The following ELMOD2 variants were observed in gnomAD, a reference collection of about 807,000 sequenced individuals.
ELMOD2 encodes ELMO domain containing 2.
Under a neutral mutation model 41.0 loss-of-function variants are expected in ELMOD2, and 28 were observed. That is an observed-to-expected ratio of 0.68 (90% CI 0.51 to 0.94). The LOEUF (loss-of-function observed/expected upper bound fraction) is 0.94, where lower values mean the gene tolerates loss of function less well. ELMOD2 is among the 40% of genes least tolerant of loss of function. ELMOD2 has a pLI of 0.00. For missense variants in ELMOD2, 333 were observed against 343.1 expected, an observed-to-expected ratio of 0.97 and a Z score of 0.23; for synonymous variants, 106 against 107.2, an observed-to-expected ratio of 0.99 and a Z score of 0.07.
rs1380101888 is a variant in ELMOD2, at chr4:140,551,957, T to G, written c.*1582T>G. On this transcript the variant is annotated 3_prime_UTR_variant, in exon 9 of 9. Transcript: ENST00000323570. ...TTCACTTTATTACAATAGTGGCAAT[T>G]TAGCTTTTCAGTATTACAGGAATTT... The G allele has an allele frequency of 6.6e-6, 1 of 152,104 alleles. No homozygotes were observed. 9.4% of individuals were successfully genotyped at this position (152,104 alleles called of 1,614,324 possible).
At chr4:140,537,573 TG>T in intron 5 of ELMOD2, 32 bp downstream of exon 5, 2 of 1,592,828 alleles carry the variant, frequency 1.3e-6, no homozygotes, top group Non-Finnish European at 1.7e-6. Flanking sequence ...GTGGAGTTGT[TG>T]AACGCTAGAA....
intron 3 of ELMOD2, among the ~76,000 whole-genome samples, chr4:140,530,516 A>G (rs970185526): frequency 6.6e-6 from 1 of 152,154 alleles, no homozygotes; most frequent in Admixed American, 6.5e-5. Context: ...AATGTTCATC[A>G]TTTTTTACCT....
chr4:140,541,856 A>G (rs1009985146), intron 6 of ELMOD2, among the ~76,000 whole-genome samples: 3 of 152,088 alleles, frequency 2.0e-5, no homozygotes, highest in African/African-American at 2.4e-5. Context: ...AGAAATTTCT[A>G]TGCTTTATGA....
chr4:140,542,114 G>A (rs1735122812), intron 6 of ELMOD2, among the ~76,000 whole-genome samples: 1 of 151,716 alleles, frequency 6.6e-6, no homozygotes, highest in Non-Finnish European at 1.5e-5. Flanking sequence ...TGATGAAGGA[G>A]GTTTCTCATT....
rs1485163789 is a variant in ELMOD2, at chr4:140,550,607, G to A, written c.*232G>A. ...AAAGATCCCCTCTGTAGAGTCATGC[G>A]AACTACAGTTTGGAACTTGGGACTT... On this transcript the variant is annotated 3_prime_UTR_variant, in exon 9 of 9. Transcript: ENST00000323570. 3 of 295,640 alleles carry A rather than the reference G, an allele frequency of 1.0e-5. No homozygotes were observed. Among genetic ancestry groups the A allele is most frequent in the Non-Finnish European group, 1.8e-5 (3 of 165,374 alleles). 18.3% of individuals were successfully genotyped at this position (295,640 alleles called of 1,614,324 possible). A position where few individuals can be genotyped will look rare whatever the true frequency, so the allele number is the denominator to read the frequency against.
rs759529814 is a variant in ELMOD2, at chr4:140,550,339, A to T, written c.846A>T (p.Leu282Phe). 3.1e-6 allele frequency: 5 copies of T among 1,610,768 alleles called. No homozygotes were observed. Among genetic ancestry groups the T allele is most frequent in the East Asian group, 4.5e-5 (2 of 44,684 alleles). ...EKFHEKIKGLLLDCNVALTLK... is the reference protein window; with the variant it reads ...EKFHEKIKGLFLDCNVALTLK... Reference sequence around the variant, plus strand: ...TTCATGAAAAGATTAAAGGACTTTTACTGGATTGTAATGTAGCACTTACTT... The same window carrying T: ...TTCATGAAAAGATTAAAGGACTTTTTCTGGATTGTAATGTAGCACTTACTT... Residue 282 changes from leucine (L) to phenylalanine (F), a missense_variant, in exon 9 of 9, where the codon TTA becomes TTT. By Grantham distance (22) the Leu-to-Phe change is conservative. Coordinates refer to ENST00000323570, the MANE Select transcript of ELMOD2 (RefSeq NM_153702.4).
intron 3 of ELMOD2, among the ~76,000 whole-genome samples, chr4:140,528,860 A>T (rs1385951237): frequency 6.6e-6 from 1 of 152,196 alleles, no homozygotes; most frequent in African/African-American, 2.4e-5. Context: ...TGATTAATAT[A>T]TTTTTTAAAA....
At chr4:140,527,258 T>C (rs1228416863) in intron 2 of ELMOD2, among the ~76,000 whole-genome samples, 2 of 152,156 alleles carry the variant, frequency 1.3e-5, no homozygotes, top group Non-Finnish European at 2.9e-5. Context: ...CCTCTTTGAA[T>C]AGGTATTTTG....
intron 6 of ELMOD2, among the ~76,000 whole-genome samples, chr4:140,542,128 A>G (rs1293154058): frequency 1.3e-5 from 2 of 151,938 alleles, no homozygotes; most frequent in Non-Finnish European, 2.9e-5. Context: ...TCTCATTGCA[A>G]AAAGATTGTT....
Position 140,542,937 on chromosome 4 carries a change from GA to G in ELMOD2, c.602+299del, listed in dbSNP as rs1735155554. On this transcript the variant is annotated intron_variant, in intron 7 of 8. Transcript: ENST00000323570. ...GAAGATAGGAAGAGGAAATAGTTTG[GA>G]AAAGTAATAGGAAAATAGGAAATAG... 5.3e-5 allele frequency among the ~76,000 whole-genome samples: 8 copies of G among 151,926 alleles called. No individual in the cohort carries two copies. The South Asian group carries it at 1.7e-3, about 32-fold the overall frequency.
intron 6 of ELMOD2, among the ~76,000 whole-genome samples, chr4:140,542,225 G>A (rs948209376): frequency 6.6e-6 from 1 of 151,314 alleles, no homozygotes; most frequent in Non-Finnish European, 1.5e-5. Context: ...GTAAGGAAGA[G>A]TGTCCTAACA....
In ELMOD2 at chr4:140,537,449, A is replaced by G; in HGVS notation, c.307A>G (p.Thr103Ala). ...CATGAAGATGTGCTTACTGCAGATA[A>G]CTGGTTATAAACAGCTGTATTTGGA... ...ICMKMCLLQITGYKQLYLDVE... is the reference protein window; with the variant it reads ...ICMKMCLLQIAGYKQLYLDVE... The change falls in exon 5 of 9, where the codon ACT becomes GCT. Residue 103 changes from threonine to alanine, a missense_variant. Transcript: ENST00000323570. 1.3e-6 allele frequency: 2 copies of G among 1,560,346 alleles called. No individual in the cohort carries two copies. Among genetic ancestry groups the G allele is most frequent in the Non-Finnish European group, 8.6e-7 (1 of 1,159,266 alleles).
At chr4:140,532,980 C>T (rs1243768660) in intron 3 of ELMOD2, among the ~76,000 whole-genome samples, 1 of 152,006 alleles carries the variant, frequency 6.6e-6, no homozygotes, top group Non-Finnish European at 1.5e-5. Flanking sequence ...AAGAACAATA[C>T]CACTTACAAA....
At position 140,525,432 on chromosome 4, in the gene ELMOD2, T is replaced by C. The variant is rs758218725; in HGVS notation, c.4T>C (p.Phe2Leu). Residue 2 changes from phenylalanine to leucine, a missense_variant, in exon 2 of 9, where the codon TTT becomes CTT. Phe to Leu is a conservative substitution (Grantham distance 22). Transcript: ENST00000323570. Reference protein sequence around the residue: MFISLWEFFYGH... With the variant: MLISLWEFFYGH... ...TTCCCTCCTCCAGGAAAAAAAAATG[T>C]TTATTTCTTTGTGGGAGTTCTTCTA... 3 of 1,612,584 alleles carry C rather than the reference T, an allele frequency of 1.9e-6. No individual in the cohort carries two copies. Among genetic ancestry groups the C allele is most frequent in the Non-Finnish European group, 2.5e-6 (3 of 1,179,668 alleles).
At position 140,540,235 on chromosome 4, in the gene ELMOD2, G is replaced by A. The variant is rs2110860669; in HGVS notation, c.467G>A (p.Gly156Asp). ...ARISKQWAEIGFQGDDPKTDF... is the reference protein window; with the variant it reads ...ARISKQWAEIDFQGDDPKTDF... ...ATCTCCAAGCAGTGGGCTGAAATTG[G>A]TTTTCAGGGTGATGATCCCAAGACA... is the stretch of plus-strand genomic sequence containing the variant. The change falls in exon 6 of 9, where the codon GGT becomes GAT. Residue 156 changes from glycine (G) to aspartate (D), a missense_variant. Gly to Asp is a moderately conservative substitution (Grantham distance 94, BLOSUM62 -1). Coordinates refer to ENST00000323570, the MANE Select transcript of ELMOD2 (RefSeq NM_153702.4). The A allele has an allele frequency of 6.2e-7, 1 of 1,614,162 alleles. No homozygotes were observed. Among genetic ancestry groups the A allele is most frequent in the Non-Finnish European group, 8.5e-7 (1 of 1,180,022 alleles).
intron 2 of ELMOD2, among the ~76,000 whole-genome samples, chr4:140,525,805 G>A (rs977083433): frequency 6.6e-6 from 1 of 152,080 alleles, no homozygotes; most frequent in African/African-American, 2.4e-5. Context: ...GAAGTTTATC[G>A]GTTATTCCTT....
intron 5 of ELMOD2, among the ~76,000 whole-genome samples, chr4:140,539,388 G>A (rs1467866765): frequency 6.6e-6 from 1 of 150,908 alleles, no homozygotes; most frequent in Non-Finnish European, 1.5e-5. Context: ...TTGAGATGGA[G>A]TCTTGCTCTG....
At chr4:140,540,870 T>G (rs1264136932) in intron 6 of ELMOD2, among the ~76,000 whole-genome samples, 1 of 152,310 alleles carries the variant, frequency 6.6e-6, no homozygotes, top group South Asian at 2.1e-4. Context: ...TTATGTATGC[T>G]CCTACTGCCT....
chr4:140,531,089 A>G (rs910830305), intron 3 of ELMOD2, among the ~76,000 whole-genome samples: 2 of 152,176 alleles, frequency 1.3e-5, no homozygotes, highest in Non-Finnish European at 2.9e-5. Flanking sequence ...AATTAAGCCA[A>G]TATATACCAT....
Sources: gnomAD v4.1 joint callset for allele counts (sites outside exome capture counted in the v4.1 genomes callset) on GRCh38, gnomAD v4.1.1 for gene constraint, MANE v1.5 for transcripts, NCBI Gene and HGNC (gene_info 2026-07-23, HGNC 2026-07-21) for gene names.